PDSS2: variants seen among roughly 807,000 people sequenced by gnomAD.
PDSS2 encodes the protein all trans-polyprenyl-diphosphate synthase PDSS2.
Under a neutral mutation model 44.5 loss-of-function variants are expected in PDSS2, and 31 were observed. That is an observed-to-expected ratio of 0.70 (90% confidence interval 0.52 to 0.94). PDSS2 has a LOEUF of 0.94. PDSS2 is among the 40% of genes least tolerant of loss of function. The pLI, the probability that PDSS2 is intolerant of heterozygous loss-of-function variation, is 0.00. For synonymous variants in PDSS2, 157 were observed against 180.3 expected (o/e 0.87, Z 1.03); for missense variants, 452 against 482.2 (o/e 0.94, Z 0.59).
chr6:107,256,486 A>G (rs559724725), intron 3 of PDSS2, among the ~76,000 whole-genome samples: 41 of 152,214 alleles, frequency 2.7e-4, no homozygotes, highest in Admixed American at 2.4e-3. Context: ...GCCACACTAA[A>G]AGGCAGGTGT....
chr6:107,327,865 C>T (rs1777597154), intron 2 of PDSS2, among the ~76,000 whole-genome samples: 1 of 152,232 alleles, frequency 6.6e-6, no homozygotes, highest in Non-Finnish European at 1.5e-5. Flanking sequence ...TTATAGCTCA[C>T]ATCCTGAACT....
At chr6:107,264,844 G>C (rs930715433) in intron 3 of PDSS2, among the ~76,000 whole-genome samples, 1 of 152,164 alleles carries the variant, frequency 6.6e-6, no homozygotes, top group Non-Finnish European at 1.5e-5. Context: ...ACAGCATCCA[G>C]TGATGTTCTA....
chr6:107,396,664 T>C (rs997500021), intron 1 of PDSS2, among the ~76,000 whole-genome samples: 2 of 148,508 alleles, frequency 1.3e-5, no homozygotes, highest in African/African-American at 4.9e-5. Flanking sequence ...TTTCTTTTTT[T>C]CCTCTTCTTT....
At chr6:107,226,857 G>A (rs184173300) in intron 4 of PDSS2, among the ~76,000 whole-genome samples, 1 of 151,510 alleles carries the variant, frequency 6.6e-6, no homozygotes. Context: ...ATTTTTAGTA[G>A]AGAAGTGGTT....
At chr6:107,254,639 A>G (rs1469104178) in intron 3 of PDSS2, among the ~76,000 whole-genome samples, 1 of 152,106 alleles carries the variant, frequency 6.6e-6, no homozygotes, top group Non-Finnish European at 1.5e-5. Flanking sequence ...ACACTGCCGC[A>G]TGTTGTTCTG....
intron 4 of PDSS2, among the ~76,000 whole-genome samples, chr6:107,241,185 G>A (rs953250501): frequency 6.0e-5 from 9 of 149,332 alleles, no homozygotes; most frequent in African/African-American, 2.2e-4. Flanking sequence ...GTAGGCAGAG[G>A]TTACAGTGAG....
At chr6:107,251,573 A>G (rs919773706) in intron 3 of PDSS2, among the ~76,000 whole-genome samples, 1 of 152,234 alleles carries the variant, frequency 6.6e-6, no homozygotes, top group African/African-American at 2.4e-5. Context: ...CTCCACCCCC[A>G]GGAACAAACA....
intron 1 of PDSS2, among the ~76,000 whole-genome samples, chr6:107,342,980 T>G (rs916542559): frequency 6.6e-6 from 1 of 152,162 alleles, no homozygotes; most frequent in Non-Finnish European, 1.5e-5. Flanking sequence ...TTTATTTTTA[T>G]TTTTTTAATT....
At chr6:107,179,058 G>C (rs181728485) in intron 7 of PDSS2, among the ~76,000 whole-genome samples, 2 of 152,258 alleles carry the variant, frequency 1.3e-5, no homozygotes, top group Admixed American at 1.3e-4. Flanking sequence ...TGCAAAGCAC[G>C]CATACAATGG....
At chr6:107,316,050 AT>A (rs1406722732) in intron 2 of PDSS2, among the ~76,000 whole-genome samples, 1 of 152,256 alleles carries the variant, frequency 6.6e-6, no homozygotes, top group African/African-American at 2.4e-5. Context: ...TGTTAAAAAA[AT>A]AAAAAGTATG....
intron 7 of PDSS2, among the ~76,000 whole-genome samples, chr6:107,180,047 CT>C (rs765853061): frequency 4.6e-5 from 7 of 152,188 alleles, no homozygotes; most frequent in Non-Finnish European, 8.8e-5. Context: ...TCTCTTTTCA[CT>C]CAAAAACCAT....
At chr6:107,417,242 A>T (rs1012952931) in intron 1 of PDSS2, among the ~76,000 whole-genome samples, 4 of 152,184 alleles carry the variant, frequency 2.6e-5, no homozygotes, top group African/African-American at 4.8e-5. Context: ...AATAAATTAC[A>T]TGTAGCTCAG....
At position 107,416,686 on chromosome 6, in the gene PDSS2, A is replaced by G. The variant is rs184866180; in HGVS notation, c.296+42304T>C. Among the ~76,000 whole-genome samples the G allele has an allele frequency of 2.3e-3, 344 of 152,364 alleles. 2 individuals are homozygous for G. The highest frequency in any genetic ancestry group is 3.3e-3 in the Admixed American group (50 of 15,310). ...TCCAATTTTGATAAAGTATGTAAATAGAACAAATTAATCTGGCACTTGCTT... is the reference window on the plus strand; with the variant it reads ...TCCAATTTTGATAAAGTATGTAAATGGAACAAATTAATCTGGCACTTGCTT... On this transcript the variant is annotated intron_variant, in intron 1 of 7. Transcript: ENST00000369037.
chr6:107,260,589 C>T (rs1041283884), intron 3 of PDSS2, among the ~76,000 whole-genome samples: 9 of 151,662 alleles, frequency 5.9e-5, no homozygotes, highest in African/African-American at 9.7e-5. Flanking sequence ...CATTTAGCAA[C>T]CTTGATCTTT....
intron 1 of PDSS2, among the ~76,000 whole-genome samples, chr6:107,401,344 C>T (rs631355): frequency 0.7 from 107,110 of 151,994 alleles, 38,445 homozygotes; most frequent in Non-Finnish European, 0.79. Flanking sequence ...AGTGTCTATA[C>T]CAGTGAATGC....
intron 6 of PDSS2, among the ~76,000 whole-genome samples, chr6:107,205,134 C>T (rs1772927874): frequency 6.6e-6 from 1 of 152,190 alleles, no homozygotes; most frequent in African/African-American, 2.4e-5. Flanking sequence ...TTTTCACGCA[C>T]ACCAGTCTTG....
chr6:107,175,142 G>A (rs1771742491), intron 7 of PDSS2, among the ~76,000 whole-genome samples: 1 of 151,772 alleles, frequency 6.6e-6, no homozygotes, highest in Non-Finnish European at 1.5e-5. Flanking sequence ...AACCTGGGAG[G>A]TGGAGGTTGC....
intron 1 of PDSS2, among the ~76,000 whole-genome samples, chr6:107,437,282 G>A (rs1188823048): frequency 6.6e-6 from 1 of 152,114 alleles, no homozygotes; most frequent in Non-Finnish European, 1.5e-5. Flanking sequence ...AGCACTTTTG[G>A]AGGCCAAGGT....
chr6:107,263,300 A>T (rs1465835172), intron 3 of PDSS2, among the ~76,000 whole-genome samples: 2 of 152,288 alleles, frequency 1.3e-5, no homozygotes, highest in Admixed American at 1.3e-4. Flanking sequence ...TAAAAATACA[A>T]AAATTAGCCA....
Sources: gnomAD v4.1 joint callset for allele counts (sites outside exome capture counted in the v4.1 genomes callset) on GRCh38, gnomAD v4.1.1 for gene constraint, MANE v1.5 for transcripts, NCBI Gene and HGNC (gene_info 2026-07-23, HGNC 2026-07-21) for gene names.